Variants in MDM1 observed in about 807,000 individuals in gnomAD.
MDM1 encodes stabilizer of axonemal microtubules 6, also known as Mdm1 nuclear protein.
MDM1 carries 61 observed loss-of-function variants against 89.1 expected under a neutral mutation model. That is an observed-to-expected ratio of 0.68 (90% CI 0.56 to 0.85). MDM1 has a LOEUF of 0.85. Among genes scored for constraint, MDM1 ranks in the 40% least tolerant of loss-of-function variants. The pLI is 0.00. For missense variants in MDM1, 820 were observed against 846.5 expected (o/e 0.97, Z 0.39); for synonymous variants, 290 against 294.1 (o/e 0.99, Z 0.14).
At position 68,321,558 on chromosome 12, in the gene MDM1, C is replaced by T. The variant is rs938502856; in HGVS notation, c.872G>A (p.Arg291Lys). 1 of 1,613,134 alleles carries T rather than the reference C, an allele frequency of 6.2e-7. No individual in the cohort carries two copies. The highest frequency in any genetic ancestry group is 1.3e-5 in the African/African-American group (1 of 74,842). ...MELKDLHQPKRKLTPWKHQRL... is the reference protein window; with the variant it reads ...MELKDLHQPKKKLTPWKHQRL... ...TTGATGTTTCCAAGGAGTAAGCTTC[C>T]TTTTAGGCTGGTGTAAGTCTTTTAA... Residue 291 changes from arginine to lysine, a missense_variant, in exon 6 of 15, where the codon AGG becomes AAG. Coordinates refer to ENST00000682720, the MANE Select transcript of MDM1 (RefSeq NM_001354969.2).
At position 68,314,973 on chromosome 12, in the gene MDM1, AT is replaced by A; in HGVS notation, c.1503del (p.Lys501AsnfsTer7). The A allele has an allele frequency of 6.2e-7, 1 of 1,613,980 alleles. No individual in the cohort carries two copies. Among genetic ancestry groups the A allele is most frequent in the Middle Eastern group, 1.6e-4 (1 of 6,062 alleles). On this transcript the variant is annotated frameshift_variant, in exon 10 of 15. Transcript: ENST00000682720. LOFTEE classifies it high-confidence loss of function. Reference sequence around the variant, plus strand: ...CCTTCTTTCATCTTATCTGCCTTAGATTTCTCACGTACATCCAACTTCTCTT... The same window carrying A: ...CCTTCTTTCATCTTATCTGCCTTAGATTCTCACGTACATCCAACTTCTCTT... ...GEQEKLDVRE[K>X]SKADKMKEGS...
chr12:68,325,478 G>T lies in MDM1; in HGVS notation c.596C>A (p.Thr199Asn), dbSNP rs1363640237. The change falls in exon 4 of 15, where the codon ACT becomes AAT. Residue 199 changes from threonine (T) to asparagine (N), a missense_variant. Thr to Asn is a moderately conservative substitution (Grantham distance 65, BLOSUM62 0). Coordinates refer to ENST00000682720, the MANE Select transcript of MDM1 (RefSeq NM_001354969.2). The stretch of plus-strand genomic sequence containing the variant: ...AAAAGCTGGAGCAGTTTCTTTAGAA[G>T]TCTTCCAAACAAACTGCCTTTGATA... ...SEYQRQFVWK[T>N]SKETAPAFAA... 6.3e-7 allele frequency: 1 copy of T among 1,596,120 alleles called. No individual in the cohort carries two copies.
rs1007955206 is a variant in MDM1, at chr12:68,332,307, G to T, written c.-62C>A. 6.6e-6 allele frequency: 10 copies of T among 1,521,488 alleles called. No individual in the cohort carries two copies. The highest frequency in any genetic ancestry group is 7.9e-6 in the Non-Finnish European group (9 of 1,133,512). The allele number at this position is 1,521,488 out of a possible 1,614,324, so 94.2% of individuals were successfully genotyped here. A position where few individuals can be genotyped will look rare whatever the true frequency, so the allele number is the denominator to read the frequency against. On this transcript the variant is annotated 5_prime_UTR_variant, in exon 1 of 15. Transcript: ENST00000682720. The stretch of plus-strand genomic sequence containing the variant: ...TAACTGGAGAAAAAGCTCCGAGGGG[G>T]CGGGGCGATAACAGTGTTCCCTAGC...
At position 68,315,015 on chromosome 12, in the gene MDM1, C is replaced by T. The variant is rs1182125740; in HGVS notation, c.1462G>A (p.Ala488Thr). 2 of 1,614,024 alleles carry T rather than the reference C, an allele frequency of 1.2e-6. No individual in the cohort carries two copies. The highest frequency in any genetic ancestry group is 1.7e-6 in the Non-Finnish European group (2 of 1,180,036). ...EEGDRKTGKQ[A>T]FMGEQEKLDV... is the part of the protein sequence containing the mutation. The stretch of plus-strand genomic sequence containing the variant: ...AACTTCTCTTGCTCTCCCATAAAAG[C>T]CTGCTTGCCCGTTTTCCTGTCCCCT... The change falls in exon 10 of 15, where the codon GCT (alanine) becomes ACT (threonine). Residue 488 changes from alanine to threonine, a missense_variant. Ala to Thr is a moderately conservative substitution (Grantham distance 58). Transcript: ENST00000682720.
At position 68,326,696 on chromosome 12, in the gene MDM1, T is replaced by C; in HGVS notation, c.459A>G (p.Glu153=). ...HTPVNENVEL[E]HSTKVLSENV... is the part of the protein sequence containing the mutation. ...TTTCTGAAAGAACCTTGGTAGAATG[T>C]TCCAGTTCCACATTTTCATTAACTG... Residue 153 remains glutamate, a synonymous_variant, in exon 3 of 15, where the codon GAA becomes GAG. Transcript: ENST00000682720. The C allele has an allele frequency of 1.2e-6, 2 of 1,614,182 alleles. No homozygotes were observed. Among genetic ancestry groups the C allele is most frequent in the Non-Finnish European group, 1.7e-6 (2 of 1,179,990 alleles).
rs373056509 is a variant in MDM1 at position 68,332,281 on chromosome 12, T to C, written c.-36A>G. On this transcript the variant is annotated 5_prime_UTR_variant, in exon 1 of 15. Transcript: ENST00000682720. ...GCCGGAGCCCCCGCTACTCCGACAG[T>C]TAACTGGAGAAAAAGCTCCGAGGGG... is the stretch of plus-strand genomic sequence containing the variant. The C allele has an allele frequency of 3.1e-4, 496 of 1,576,622 alleles. 1 individual carries two copies. Among genetic ancestry groups the C allele is most frequent in the Middle Eastern group, 2.8e-3 (17 of 5,996 alleles).
At chr12:68,332,165 C>T (rs1876926631) in intron 1 of MDM1, 63 bp downstream of exon 1, 2 of 1,502,774 alleles carry the variant, frequency 1.3e-6, no homozygotes, top group Non-Finnish European at 1.8e-6. Context: ...GACCTCGGCG[C>T]TCCACACCTC....
At chr12:68,313,206 C>T (rs766048953) in intron 12 of MDM1, among the ~76,000 whole-genome samples, 25 of 152,096 alleles carry the variant, frequency 1.6e-4, no homozygotes, top group Non-Finnish European at 3.4e-4. Flanking sequence ...GAAAGTATTG[C>T]TTTCTTTATC....
chr12:68,302,987 A>ACC, intron 12 of MDM1, 115 bp from the exon 13 acceptor site: 1 of 867,518 alleles, frequency 1.2e-6, no homozygotes, highest in Non-Finnish European at 1.7e-6. Flanking sequence ...GAAATATGAG[A>ACC]GAATTTATGC....
chr12:68,324,865 T>C (rs1592988985), intron 4 of MDM1: 1 of 332,122 alleles, frequency 3.0e-6, no homozygotes, highest in African/African-American at 2.2e-5. Flanking sequence ...TTAGTAATGG[T>C]ATCTCAATAC....
intron 3 of MDM1, chr12:68,326,226 C>G (rs1326715003): frequency 1.8e-6 from 2 of 1,117,372 alleles, no homozygotes; most frequent in East Asian, 1.1e-4. Flanking sequence ...AGCCAGAGCT[C>G]TCCTTCCTTT....
chr12:68,322,440 C>A (rs2068740506), intron 5 of MDM1, among the ~76,000 whole-genome samples: 1 of 152,138 alleles, frequency 6.6e-6, no homozygotes, highest in African/African-American at 2.4e-5. Context: ...CGAGACCAGC[C>A]TGGCCAACAC....
intron 4 of MDM1, 84 bp from the exon 5 acceptor site, chr12:68,323,324 T>C: frequency 1.0e-6 from 1 of 996,150 alleles, no homozygotes; most frequent in Non-Finnish European, 1.5e-6. Flanking sequence ...AAACATAAAG[T>C]TGAATTACAG....
intron 9 of MDM1, among the ~76,000 whole-genome samples, chr12:68,315,759 T>C (rs1389340600): frequency 6.6e-6 from 1 of 152,262 alleles, no homozygotes; most frequent in East Asian, 1.9e-4. Context: ...TCTACTTTTT[T>C]ATTGTTGTTG....
chr12:68,306,786 T>C (rs751261213), intron 12 of MDM1, among the ~76,000 whole-genome samples: 2 of 152,120 alleles, frequency 1.3e-5, no homozygotes, highest in African/African-American at 4.8e-5. Flanking sequence ...GAAAGCAATA[T>C]GAAAATTTCT....
chr12:68,299,239 T>C (rs1017880789), intron 13 of MDM1, among the ~76,000 whole-genome samples: 1 of 152,096 alleles, frequency 6.6e-6, no homozygotes, highest in Admixed American at 6.6e-5. Flanking sequence ...CAAGGTTCTA[T>C]AACACCCTCA....
intron 12 of MDM1, among the ~76,000 whole-genome samples, chr12:68,307,085 C>G (rs895388540): frequency 1.3e-5 from 2 of 152,170 alleles, no homozygotes; most frequent in South Asian, 4.1e-4. Context: ...ATTGAATTAA[C>G]ACAGAAACAT....
In MDM1 at chr12:68,306,020, T is replaced by C. The variant is rs146727284; in HGVS notation, c.1750-3148A>G. Reference sequence around the variant, plus strand: ...ACATTACTTGACTTCAACCTATTACTATAAAGTTACAGCAACCACAACATC... The same window carrying C: ...ACATTACTTGACTTCAACCTATTACCATAAAGTTACAGCAACCACAACATC... On this transcript the variant is annotated intron_variant, in intron 12 of 14. Coordinates refer to ENST00000682720, the MANE Select transcript of MDM1 (RefSeq NM_001354969.2). Among the ~76,000 whole-genome samples, 7 of 148,600 alleles carry C rather than the reference T, an allele frequency of 4.7e-5. No individual in the cohort carries two copies. In the East Asian group the frequency reaches 1.2e-3, roughly 25 times the overall value.
intron 12 of MDM1, among the ~76,000 whole-genome samples, chr12:68,311,229 G>C (rs1873636774): frequency 1.3e-5 from 2 of 151,964 alleles, no homozygotes. Flanking sequence ...AACATTACTG[G>C]AGAAGGGCAC....
Sources: allele counts gnomAD v4.1 joint callset (sites outside exome capture counted in the v4.1 genomes callset), GRCh38; gene constraint gnomAD v4.1.1; transcripts MANE v1.5; gene names NCBI Gene and HGNC (gene_info 2026-07-23, HGNC 2026-07-21).